GAK: variants seen among roughly 807,000 people sequenced by gnomAD.
The protein encoded by GAK is cyclin G associated kinase.
GAK carries 79 observed loss-of-function variants against 143.9 expected under a neutral mutation model. That is an observed-to-expected ratio of 0.55 (90% confidence interval 0.46 to 0.66). The LOEUF is 0.66. Ranked by LOEUF, GAK falls within the 30% of genes least tolerant of loss-of-function variation. The pLI is 0.00. For synonymous variants in GAK, 881 were observed against 765.5 expected, an observed-to-expected ratio of 1.15 and a Z score of -2.49; for missense variants, 1,693 against 1,779.7, an observed-to-expected ratio of 0.95 and a Z score of 0.88.
intron 23 of GAK, 41 bp downstream of exon 23, chr4:865,081 G>T: frequency 6.6e-7 from 1 of 1,525,994 alleles, no homozygotes; most frequent in South Asian, 1.1e-5. Context: ...CACAGCAGCT[G>T]CACGTCTGGG....
intron 18 of GAK, among the ~76,000 whole-genome samples, chr4:871,151 G>A (rs559791521): frequency 6.6e-6 from 1 of 152,238 alleles, no homozygotes; most frequent in East Asian, 1.9e-4. Flanking sequence ...CATTTCACTC[G>A]CTCCTCGGAC....
chr4:872,885 T>A (rs951184453), intron 18 of GAK: 2 of 157,028 alleles, frequency 1.3e-5, no homozygotes, highest in African/African-American at 4.8e-5. Flanking sequence ...GGCTCAGCTG[T>A]TACATCTGTG....
rs1225306885 is a variant in GAK, at chr4:870,774, C to T, written c.2185G>A (p.Gly729Arg). 2 of 1,614,124 alleles carry T rather than the reference C, an allele frequency of 1.2e-6. No homozygotes were observed. Among genetic ancestry groups the T allele is most frequent in the East Asian group, 2.2e-5 (1 of 44,882 alleles). Residue 729 changes from glycine to arginine, a missense_variant, in exon 19 of 28, where the codon GGG becomes AGG. By Grantham distance (125) the Gly-to-Arg change is moderately radical (BLOSUM62 -2). Around this residue, in one of 2 missense-constraint regions of GAK, gnomAD observed 822 missense variants for 788.7 expected, o/e 1.04. Transcript: ENST00000314167. ...APPWENSSMR[G>R]LNPKILFSSR... ...GAAAACAGGATTTTGGGGTTCAGCCCCCTCATGCTCGAGTTCTCCCATGGT... is the reference window on the plus strand; with the variant it reads ...GAAAACAGGATTTTGGGGTTCAGCCTCCTCATGCTCGAGTTCTCCCATGGT...
intron 23 of GAK, among the ~76,000 whole-genome samples, chr4:864,805 G>A (rs564049455): frequency 6.6e-6 from 1 of 152,342 alleles, no homozygotes; most frequent in East Asian, 1.9e-4. Context: ...CAGAGTGTGG[G>A]GCATGAAATC....
intron 24 of GAK, chr4:853,787 G>A (rs1404554545): frequency 6.7e-6 from 1 of 148,500 alleles, no homozygotes; most frequent in Non-Finnish European, 1.5e-5. Context: ...GTCTCTTCAT[G>A]TCTCTTGCCC....
At chr4:882,530 C>T (rs3736087) in intron 14 of GAK, among the ~76,000 whole-genome samples, 167 bp downstream of exon 14, 20,219 of 152,308 alleles carry the variant, frequency 0.13, 1,731 homozygotes, top group Middle Eastern at 0.3. Flanking sequence ...GGCCATCTGT[C>T]ATCTGTCCCC....
rs747936059 is a variant in GAK at position 849,791 on chromosome 4, G to C, written c.3835-17C>G. The C allele has an allele frequency of 1.2e-5, 19 of 1,601,848 alleles. No individual in the cohort carries two copies. In the African/African-American group the frequency reaches 2.5e-4, roughly 21 times the overall value. ...CCCCGCAGCCTATGGGTGACAGGCG[G>C]TGTAAGCGCCTCTTATAAGCATGCG... On this transcript the variant is annotated splice_polypyrimidine_tract_variant and intron_variant, in intron 27 of 27. Coordinates refer to ENST00000314167, the MANE Select transcript of GAK (RefSeq NM_005255.4).
chr4:904,663 G>A lies in GAK; in HGVS notation c.499C>T (p.Pro167Ser). ...TTGAGGTCCCTGTGGATGATGGGCG[G>A]CTTCTGCCGGTGCATGTGCTGCACG... Reference protein sequence around the residue: ...RAVQHMHRQKPPIIHRDLKVE... With the variant: ...RAVQHMHRQKSPIIHRDLKVE... Residue 167 changes from proline to serine, a missense_variant, in exon 5 of 28, where the codon CCG becomes TCG. Pro to Ser is a moderately conservative substitution (Grantham distance 74). Around this residue, in one of 2 missense-constraint regions of GAK, gnomAD observed 871 missense variants for 991.0 expected, o/e 0.88. Transcript: ENST00000314167. The A allele has an allele frequency of 6.2e-7, 1 of 1,602,472 alleles. No homozygotes were observed. The highest frequency in any genetic ancestry group is 8.5e-7 in the Non-Finnish European group (1 of 1,172,728).
chr4:887,133 TCACA>T (rs1029079031), intron 11 of GAK: 17 of 149,290 alleles, frequency 1.1e-4, no homozygotes, highest in African/African-American at 3.5e-4. Flanking sequence ...TGCACGCGGC[TCACA>T]CACATGCGTA....
intron 18 of GAK, among the ~76,000 whole-genome samples, chr4:874,812 A>T (rs1182114653): frequency 1.3e-5 from 2 of 152,056 alleles, no homozygotes; most frequent in Non-Finnish European, 2.9e-5. Flanking sequence ...CTAGAACTTC[A>T]AGTAAAAGCA....
intron 3 of GAK, chr4:912,408 C>T (rs930004687): frequency 3.2e-5 from 12 of 378,748 alleles, no homozygotes; most frequent in Admixed American, 7.4e-5. Context: ...GCCAGGTCTC[C>T]GGAGGAGCTG....
intron 21 of GAK, 77 bp from the exon 22 acceptor site, chr4:866,611 C>T: frequency 2.7e-6 from 4 of 1,508,736 alleles, no homozygotes; most frequent in Non-Finnish European, 3.6e-6. Flanking sequence ...GGAGTCAGGC[C>T]TGCCCAAGAG....
At chr4:889,066 C>T (rs1258578771) in intron 10 of GAK, 96 bp from the exon 11 acceptor site, 163 of 1,376,296 alleles carry the variant, frequency 1.2e-4, no homozygotes, top group Non-Finnish European at 1.5e-4. Flanking sequence ...GCGCTCGGTC[C>T]CACCTCCCCA....
In GAK at chr4:867,054, G is replaced by C; in HGVS notation, c.2774C>G (p.Pro925Arg). 1 of 1,525,392 alleles carries C rather than the reference G, an allele frequency of 6.6e-7. No homozygotes were observed. Among genetic ancestry groups the C allele is most frequent in the Non-Finnish European group, 8.8e-7 (1 of 1,137,068 alleles). The allele number at this position is 1,525,392 out of a possible 1,614,324, so 94.5% of individuals were successfully genotyped here. A position where few individuals can be genotyped will look rare whatever the true frequency, so the allele number is the denominator to read the frequency against. The change falls in exon 21 of 28, where the codon CCC (proline) becomes CGC (arginine). Residue 925 changes from proline (P) to arginine (R), a missense_variant. Physicochemically the swap from Pro to Arg is moderately radical, Grantham distance 103. Around this residue, in one of 2 missense-constraint regions of GAK, gnomAD observed 822 missense variants for 788.7 expected, o/e 1.04. Transcript: ENST00000314167. ...GTCCTCGCTGAGCAGATCCTCCGGG[G>C]GCCCCTGGGAGGCGGCCTCAGGGGG... Reference protein sequence around the residue: ...LGPPEAASQGPPEDLLSEDPL... With the variant: ...LGPPEAASQGRPEDLLSEDPL...
In GAK at chr4:893,262, C is replaced by T. The variant is rs374554267; in HGVS notation, c.990+115G>A. On this transcript the variant is annotated intron_variant, in intron 9 of 27. Coordinates refer to ENST00000314167, the MANE Select transcript of GAK (RefSeq NM_005255.4). ...GGGTTCACGTGTGCCTCCCTCCCTT[C>T]TGCAGGGGATCTGGGGCTCACATGT... 9.6e-4 allele frequency: 665 copies of T among 692,608 alleles called. 15 individuals are homozygous for T. The South Asian group carries it at 0.015, about 16-fold the overall frequency. 42.9% of individuals were successfully genotyped at this position (692,608 alleles called of 1,614,324 possible).
chr4:909,433 T>TA (rs1721642468), intron 4 of GAK, among the ~76,000 whole-genome samples: 1 of 152,106 alleles, frequency 6.6e-6, no homozygotes, highest in Non-Finnish European at 1.5e-5. Flanking sequence ...GAGGCCCCGG[T>TA]ATGCGCACGG....
chr4:926,207 C>T (rs1724714160), intron 1 of GAK, among the ~76,000 whole-genome samples: 3 of 152,166 alleles, frequency 2.0e-5, no homozygotes, highest in African/African-American at 7.2e-5. Context: ...CCATGGGGTC[C>T]TCCCCAAGAG....
chr4:923,831 A>G (rs1421762024), intron 1 of GAK, among the ~76,000 whole-genome samples: 1 of 152,154 alleles, frequency 6.6e-6, no homozygotes, highest in East Asian at 1.9e-4. Context: ...CATAAATTAT[A>G]TAAATATATA....
At chr4:869,498 C>A (rs1711947654) in intron 19 of GAK, 1 of 147,184 alleles carries the variant, frequency 6.8e-6, no homozygotes, top group South Asian at 2.2e-4. Flanking sequence ...TGCACACACA[C>A]AGATGCACAG....
Sources: gnomAD v4.1 joint callset for allele counts (sites outside exome capture counted in the v4.1 genomes callset) on GRCh38, gnomAD v4.1.1 for gene constraint, gnomAD v4.1.1 regional missense constraint, MANE v1.5 for transcripts, NCBI Gene and HGNC (gene_info 2026-07-23, HGNC 2026-07-21) for gene names.